The following R3HDM1 variants were observed in gnomAD, a reference collection of about 807,000 sequenced individuals.
R3HDM1 encodes the protein R3H domain containing 1, also known as R3H domain-containing protein 1.
In R3HDM1, 46 loss-of-function variants were observed where a neutral mutation model predicts 141.1. The observed-to-expected ratio is 0.33, with a 90% CI of 0.26 to 0.42. The LOEUF (loss-of-function observed/expected upper bound fraction) is 0.42. Among genes scored for constraint, R3HDM1 ranks in the 10% least tolerant of loss-of-function variants. R3HDM1 has a pLI of 1.00. For missense variants in R3HDM1, 1,184 were observed against 1,368.3 expected (o/e 0.87, Z 2.12); for synonymous variants, 435 against 472.9 (o/e 0.92, Z 1.04).
At chr2:135,652,159 C>A in intron 18 of R3HDM1, 127 bp downstream of exon 18, 1 of 1,342,460 alleles carries the variant, frequency 7.4e-7, no homozygotes, top group Non-Finnish European at 9.7e-7. Flanking sequence ...AAAGCATATA[C>A]TCATCTTTCC....
chr2:135,664,898 G>A (rs961666025), intron 19 of R3HDM1, among the ~76,000 whole-genome samples: 1 of 152,190 alleles, frequency 6.6e-6, no homozygotes, highest in Non-Finnish European at 1.5e-5. Flanking sequence ...TGTAACTGGT[G>A]TTAGGCATAT....
Position 135,616,188 on chromosome 2 carries a change from T to C in R3HDM1, c.208T>C (p.Ser70Pro). Residue 70 changes from serine (S) to proline (P), a missense_variant, in exon 4 of 27, where the codon TCT becomes CCT. Ser to Pro is a moderately conservative substitution (Grantham distance 74). Transcript: ENST00000683871. ...GTCATTTGGACAGACAGGAAAAAGG[T>C]CTAAGGTATAGTAAATATTTTGGTG... is the stretch of plus-strand genomic sequence containing the variant. ...LQSFGQTGKRSKSSSKLKLVR... is the reference protein window; with the variant it reads ...LQSFGQTGKRPKSSSKLKLVR... 6.2e-7 allele frequency: 1 copy of C among 1,612,076 alleles called. No individual in the cohort carries two copies. The highest frequency in any genetic ancestry group is 1.1e-5 in the South Asian group (1 of 90,998).
At chr2:135,638,593 T>C (rs746088607) in intron 11 of R3HDM1, 25 bp from the exon 12 acceptor site, 3 of 1,591,182 alleles carry the variant, frequency 1.9e-6, no homozygotes, top group South Asian at 1.1e-5. Flanking sequence ...AAAGCTCAAC[T>C]TTTTGTATCT....
At chr2:135,663,927 G>A (rs1311305135) in intron 19 of R3HDM1, among the ~76,000 whole-genome samples, 6 of 151,914 alleles carry the variant, frequency 3.9e-5, no homozygotes, top group Admixed American at 1.3e-4. Context: ...CCAGCTACTC[G>A]GGAGGCTGAG....
Position 135,601,676 on chromosome 2 carries a change from TTTTTG to T in R3HDM1, c.-249-804_-249-800del, listed in dbSNP as rs963540346. Among the ~76,000 whole-genome samples, 131 of 152,274 alleles carry T rather than the reference TTTTTG, an allele frequency of 8.6e-4. 2 individuals carry two copies. Among genetic ancestry groups the T allele is most frequent in the East Asian group, 2.5e-3 (13 of 5,184 alleles). On this transcript the variant is annotated intron_variant, in intron 1 of 26. Transcript: ENST00000683871. ...ATGGAGAAAATTTTGTATTTGGGGATTTTTGTTTTGTTTTGTTTTGTTTTTGCTCT... is the reference window on the plus strand; with the variant it reads ...ATGGAGAAAATTTTGTATTTGGGGATTTTTGTTTTGTTTTGTTTTTGCTCT...
intron 24 of R3HDM1, among the ~76,000 whole-genome samples, chr2:135,719,569 T>G (rs182377651): frequency 6.6e-6 from 1 of 152,306 alleles, no homozygotes; most frequent in Admixed American, 6.5e-5. Context: ...TTGCTTTAAA[T>G]ACTTCAGGAA....
chr2:135,613,232 C>T (rs1458255490), intron 3 of R3HDM1, among the ~76,000 whole-genome samples: 1 of 152,162 alleles, frequency 6.6e-6, no homozygotes, highest in African/African-American at 2.4e-5. Context: ...CAGTTGTTGA[C>T]AAACCTTAGT....
intron 23 of R3HDM1, among the ~76,000 whole-genome samples, chr2:135,712,654 G>A (rs1402287473): frequency 6.6e-6 from 1 of 151,896 alleles, no homozygotes; most frequent in African/African-American, 2.4e-5. Context: ...GGGCACGATG[G>A]CTCACGCCTG....
chr2:135,697,576 A>G (rs2073444041), intron 21 of R3HDM1, among the ~76,000 whole-genome samples: 1 of 152,230 alleles, frequency 6.6e-6, no homozygotes, highest in Non-Finnish European at 1.5e-5. Flanking sequence ...CAACAAAGAA[A>G]ATTACTAAAG....
intron 20 of R3HDM1, 109 bp from the exon 21 acceptor site, chr2:135,680,064 A>T: frequency 1.7e-6 from 2 of 1,155,126 alleles, no homozygotes; most frequent in Non-Finnish European, 2.5e-6. Flanking sequence ...TGGGCAACAG[A>T]GCAAGAATTC....
At chr2:135,659,837 C>G (rs1166904864) in intron 18 of R3HDM1, among the ~76,000 whole-genome samples, 1 of 152,190 alleles carries the variant, frequency 6.6e-6, no homozygotes, top group Non-Finnish European at 1.5e-5. Flanking sequence ...TATATACTGT[C>G]TGCTATACTT....
intron 26 of R3HDM1, among the ~76,000 whole-genome samples, chr2:135,723,112 A>AT (rs1332806319): frequency 7.3e-5 from 11 of 151,460 alleles, no homozygotes; most frequent in Non-Finnish European, 1.0e-4. Context: ...GCTTAATTTT[A>AT]TTTTTTTTAT....
rs569167096 is a variant in R3HDM1 at position 135,564,379 on chromosome 2, G to C, written c.-250+32746G>C. 2.6e-5 allele frequency among the ~76,000 whole-genome samples: 4 copies of C among 152,332 alleles called. No homozygotes were observed. In the East Asian group the frequency reaches 7.7e-4, roughly 29 times the overall value. On this transcript the variant is annotated intron_variant, in intron 1 of 26. Coordinates refer to ENST00000683871, the MANE Select transcript of R3HDM1 (RefSeq NM_001378107.1). ...CTGTTGCCCAGGCGGGAGTGCAGTG[G>C]CACCATCTTGGCTCACTGCAACCTC...
rs998626036 is a variant in R3HDM1 at position 135,725,154 on chromosome 2, C to A, written c.*862C>A. On this transcript the variant is annotated 3_prime_UTR_variant, in exon 27 of 27. Coordinates refer to ENST00000683871, the MANE Select transcript of R3HDM1 (RefSeq NM_001378107.1). ...AGCGGATCACTGGACATCAAAGATT[C>A]ATTGCACTTATGAACAAGGAACCTT... 4 of 151,028 alleles carry A rather than the reference C, an allele frequency of 2.6e-5. No homozygotes were observed. The Admixed American group carries it at 2.9e-4, about 11-fold the overall frequency. The allele number at this position is 151,028 out of a possible 1,614,324, so 9.4% of individuals were successfully genotyped here.
intron 1 of R3HDM1, among the ~76,000 whole-genome samples, chr2:135,591,394 T>C (rs13390177): frequency 0.077 from 11,712 of 152,130 alleles, 1,491 homozygotes; most frequent in African/African-American, 0.27. Context: ...ATGAAGAAAA[T>C]ACCACATCAA....
intron 1 of R3HDM1, chr2:135,577,051 A>T (rs1705608313): frequency 1.1e-6 from 1 of 900,922 alleles, no homozygotes; most frequent in Non-Finnish European, 1.3e-6. Flanking sequence ...AAAGAAAAAA[A>T]AAAAACCTCC....
intron 18 of R3HDM1, among the ~76,000 whole-genome samples, chr2:135,656,027 T>C (rs899601750): frequency 5.3e-5 from 8 of 152,310 alleles, no homozygotes; most frequent in African/African-American, 1.9e-4. Flanking sequence ...GATTTCATAT[T>C]CTATTGTTTT....
intron 1 of R3HDM1, among the ~76,000 whole-genome samples, chr2:135,583,595 C>T (rs911036467): frequency 6.6e-6 from 1 of 152,112 alleles, no homozygotes; most frequent in Non-Finnish European, 1.5e-5. Flanking sequence ...TTAGTGGTTG[C>T]AAAATATTGA....
chr2:135,532,495 T>C (rs533561145), intron 1 of R3HDM1, among the ~76,000 whole-genome samples: 2 of 152,240 alleles, frequency 1.3e-5, no homozygotes, highest in Non-Finnish European at 2.9e-5. Flanking sequence ...AAGTAAAAGG[T>C]GAAGAAGAGG....
Sources: gnomAD v4.1 joint callset for allele counts (sites outside exome capture counted in the v4.1 genomes callset) on GRCh38, gnomAD v4.1.1 for gene constraint, MANE v1.5 for transcripts, NCBI Gene and HGNC (gene_info 2026-07-23, HGNC 2026-07-21) for gene names.